Variants in ULK4 observed in about 807,000 individuals in gnomAD.
The protein encoded by ULK4 is inactive serine/threonine-protein kinase ULK4.
Under a neutral mutation model 160.6 loss-of-function variants are expected in ULK4, and 133 were observed. That is an observed-to-expected ratio of 0.83 (90% CI 0.72 to 0.96). The LOEUF (loss-of-function observed/expected upper bound fraction) is 0.96, where lower values mean the gene tolerates loss of function less well. ULK4 is among the 40% of genes least tolerant of loss of function. ULK4 has a pLI of 0.00. For missense variants in ULK4, 1,580 were observed against 1,499.5 expected (o/e 1.05, Z -0.89); for synonymous variants, 534 against 539.8 (o/e 0.99, Z 0.15).
chr3:41,435,685 G>A (rs1414511344), intron 34 of ULK4, among the ~76,000 whole-genome samples: 1 of 152,184 alleles, frequency 6.6e-6, no homozygotes, highest in African/African-American at 2.4e-5. Context: ...AGTGGCTCAT[G>A]CCTGTAATCC....
At chr3:41,384,909 G>A (rs748647472) in intron 35 of ULK4, among the ~76,000 whole-genome samples, 14 of 152,056 alleles carry the variant, frequency 9.2e-5, no homozygotes, top group Non-Finnish European at 1.9e-4. Flanking sequence ...AAGAAAATTA[G>A]CTGGGCATGC....
Position 41,819,411 on chromosome 3 carries a change from A to G in ULK4, c.1848+12T>C. 1 of 1,612,040 alleles carries G rather than the reference A, an allele frequency of 6.2e-7. No homozygotes were observed. Among genetic ancestry groups the G allele is most frequent in the Non-Finnish European group, 8.5e-7 (1 of 1,179,260 alleles). ...TTGCCAGCATCTACAGAGGACAACA[A>G]AGGAGCCTTACCCCTTCCCGAAGGC... On this transcript the variant is annotated intron_variant, in intron 19 of 36. Coordinates refer to ENST00000301831, the MANE Select transcript of ULK4 (RefSeq NM_017886.4).
At chr3:41,355,091 T>C (rs1246082368) in intron 35 of ULK4, among the ~76,000 whole-genome samples, 1 of 152,202 alleles carries the variant, frequency 6.6e-6, no homozygotes, top group Non-Finnish European at 1.5e-5. Flanking sequence ...GTGCTAAGGG[T>C]AAAGACAATT....
At chr3:41,299,923 T>C (rs182304292) in intron 35 of ULK4, among the ~76,000 whole-genome samples, 72 of 152,306 alleles carry the variant, frequency 4.7e-4, no homozygotes, top group African/African-American at 1.7e-3. Context: ...TCTAACATAT[T>C]CTATATTTTG....
chr3:41,926,900 T>C (rs1699405620), intron 5 of ULK4, among the ~76,000 whole-genome samples: 1 of 152,078 alleles, frequency 6.6e-6, no homozygotes, highest in Admixed American at 6.6e-5. Flanking sequence ...ATGGAGAGAA[T>C]GGAACCAAGT....
intron 19 of ULK4, among the ~76,000 whole-genome samples, chr3:41,816,944 A>G (rs550623028): frequency 6.6e-6 from 1 of 152,172 alleles, no homozygotes; most frequent in Non-Finnish European, 1.5e-5. Flanking sequence ...CACAGAGCCC[A>G]GAAATAAGTA....
At chr3:41,392,548 T>C (rs966708027) in intron 35 of ULK4, among the ~76,000 whole-genome samples, 9 of 152,128 alleles carry the variant, frequency 5.9e-5, no homozygotes. Flanking sequence ...ACATGCTCAT[T>C]ACCTGTAAAT....
intron 33 of ULK4, among the ~76,000 whole-genome samples, chr3:41,458,210 A>G (rs767476144): frequency 2.5e-4 from 38 of 152,168 alleles, no homozygotes; most frequent in African/African-American, 6.0e-4. Flanking sequence ...AGGTAGAAAC[A>G]TACATTTAGT....
At chr3:41,538,596 G>T (rs149371497) in intron 32 of ULK4, among the ~76,000 whole-genome samples, 130 of 152,202 alleles carry the variant, frequency 8.5e-4, no homozygotes, top group African/African-American at 2.7e-3. Flanking sequence ...AGAACCTTGA[G>T]AAATCACTTT....
intron 16 of ULK4, among the ~76,000 whole-genome samples, chr3:41,892,699 C>A (rs1237604811): frequency 6.6e-6 from 1 of 152,150 alleles, no homozygotes; most frequent in East Asian, 1.9e-4. Context: ...TCTTGGGAAA[C>A]CAACCATCAG....
At chr3:41,810,077 T>C (rs2040773239) in intron 19 of ULK4, among the ~76,000 whole-genome samples, 1 of 152,210 alleles carries the variant, frequency 6.6e-6, no homozygotes, top group Admixed American at 6.5e-5. Context: ...TAATTCTTTA[T>C]AGTTAACATT....
intron 27 of ULK4, among the ~76,000 whole-genome samples, chr3:41,686,721 G>A: frequency 6.6e-6 from 1 of 152,158 alleles, no homozygotes; most frequent in East Asian, 1.9e-4. Flanking sequence ...TGTAAAATAA[G>A]AGAGAACGGC....
intron 32 of ULK4, among the ~76,000 whole-genome samples, chr3:41,485,888 C>G (rs557521606): frequency 3.6e-4 from 55 of 152,144 alleles, no homozygotes; most frequent in Non-Finnish European, 7.4e-4. Flanking sequence ...AAAAATGAAG[C>G]TGGCAGAAAT....
At chr3:41,759,305 T>C (rs1051056038) in intron 21 of ULK4, among the ~76,000 whole-genome samples, 5 of 152,196 alleles carry the variant, frequency 3.3e-5, no homozygotes. Context: ...TAAGTGAGTT[T>C]AGCAAAATCT....
At chr3:41,274,371 C>T (rs1158987270) in intron 35 of ULK4, among the ~76,000 whole-genome samples, 3 of 152,190 alleles carry the variant, frequency 2.0e-5, no homozygotes, top group South Asian at 4.1e-4. Flanking sequence ...TAAGGCTCCA[C>T]AGTAACACAG....
intron 32 of ULK4, among the ~76,000 whole-genome samples, chr3:41,474,740 T>C (rs2084088222): frequency 6.8e-6 from 1 of 146,272 alleles, no homozygotes; most frequent in Non-Finnish European, 1.5e-5. Flanking sequence ...ACGAGATACA[T>C]GAAAAGATGC....
intron 32 of ULK4, among the ~76,000 whole-genome samples, chr3:41,480,205 T>C (rs1378869360): frequency 7.8e-5 from 2 of 25,646 alleles, no homozygotes; most frequent in African/African-American, 3.2e-4. Flanking sequence ...AGACTCCGTA[T>C]CAAAAAAAAA....
intron 32 of ULK4, among the ~76,000 whole-genome samples, chr3:41,546,326 C>A (rs2086861682): frequency 6.6e-6 from 1 of 152,030 alleles, no homozygotes; most frequent in Admixed American, 6.6e-5. Flanking sequence ...TTGATTTAAT[C>A]CGTAGACCAA....
chr3:41,513,103 G>A (rs1235164712), intron 32 of ULK4, among the ~76,000 whole-genome samples: 2 of 152,134 alleles, frequency 1.3e-5, no homozygotes, highest in Non-Finnish European at 2.9e-5. Flanking sequence ...CCATGTAGAA[G>A]AATGGAAGTG....
Sources: allele counts gnomAD v4.1 joint callset (sites outside exome capture counted in the v4.1 genomes callset), GRCh38; gene constraint gnomAD v4.1.1; transcripts MANE v1.5; gene names NCBI Gene and HGNC (gene_info 2026-07-23, HGNC 2026-07-21).